DIAPH2: variants seen among roughly 807,000 people sequenced by gnomAD.
DIAPH2 encodes the protein protein diaphanous homolog 2.
DIAPH2 carries 35 observed loss-of-function variants against 92.7 expected under a neutral mutation model. That is an observed-to-expected ratio of 0.38 (90% CI 0.29 to 0.50). The LOEUF (loss-of-function observed/expected upper bound fraction) is 0.50, where lower values mean the gene tolerates loss of function less well. DIAPH2 is among the 20% of genes least tolerant of loss of function. The pLI is 0.94. For synonymous variants in DIAPH2, 301 were observed against 280.4 expected (o/e 1.07, Z -0.73); for missense variants, 701 against 819.5 (o/e 0.86, Z 1.77).
intron 22 of DIAPH2, among the ~76,000 whole-genome samples, chrX:97,190,575 A>G (rs2067644176): frequency 8.9e-6 from 1 of 111,808 alleles, no homozygotes; most frequent in South Asian, 3.7e-4. Flanking sequence ...TCGGCCAGGC[A>G]TGGTGGCTCA....
chrX:96,709,026 A>G (rs936394823), intron 1 of DIAPH2, among the ~76,000 whole-genome samples: 24 of 112,281 alleles, frequency 2.1e-4, no homozygotes, highest in African/African-American at 7.4e-4. Context: ...AATGAAGGGA[A>G]TATTCCATAA....
At chrX:97,343,541 C>T (rs941790511) in intron 23 of DIAPH2, among the ~76,000 whole-genome samples, 5 of 110,863 alleles carry the variant, frequency 4.5e-5, no homozygotes, top group African/African-American at 9.8e-5. Context: ...TGGTGGCATG[C>T]GCCTGTAATC....
At chrX:97,510,379 G>A (rs1249708463) in intron 26 of DIAPH2, among the ~76,000 whole-genome samples, 57 of 111,387 alleles carry the variant, frequency 5.1e-4, no homozygotes, top group African/African-American at 1.8e-3. Context: ...TTGTAAATTT[G>A]TTTGAGTTCA....
intron 17 of DIAPH2, among the ~76,000 whole-genome samples, chrX:96,973,821 G>C (rs1048533136): frequency 9.3e-6 from 1 of 107,352 alleles, no homozygotes; most frequent in Admixed American, 1.0e-4. Flanking sequence ...TCAGCCTCCT[G>C]AGTAGCTGGG....
chrX:96,719,919 A>G (rs1454449903), intron 1 of DIAPH2, among the ~76,000 whole-genome samples: 2 of 111,910 alleles, frequency 1.8e-5, no homozygotes, highest in East Asian at 2.8e-4. Flanking sequence ...AATTAAAGTG[A>G]TCGGGATTTT....
At chrX:96,845,460 T>C (rs749089913) in intron 4 of DIAPH2, among the ~76,000 whole-genome samples, 23 of 112,248 alleles carry the variant, frequency 2.0e-4, no homozygotes, top group African/African-American at 7.1e-4. Context: ...TTTAAGTATT[T>C]AGAAAGTCTT....
intron 15 of DIAPH2, among the ~76,000 whole-genome samples, chrX:96,952,296 A>T (rs2065780583): frequency 1.8e-5 from 2 of 111,842 alleles, no homozygotes; most frequent in Admixed American, 1.9e-4. Context: ...ATTAACATTC[A>T]TCTATGTGAA....
chrX:97,458,793 G>C (rs1270420221), intron 26 of DIAPH2, among the ~76,000 whole-genome samples: 1 of 111,501 alleles, frequency 9.0e-6, no homozygotes, highest in Admixed American at 9.5e-5. Context: ...ATTACATGAA[G>C]GTACATTTCA....
chrX:97,149,103 C>CA (rs749681535), intron 22 of DIAPH2, among the ~76,000 whole-genome samples: 1 of 111,439 alleles, frequency 9.0e-6, no homozygotes, highest in African/African-American at 3.3e-5. Flanking sequence ...CTATTAGTTT[C>CA]ATTGAAAAAT....
intron 17 of DIAPH2, among the ~76,000 whole-genome samples, chrX:96,982,819 A>G (rs1053435371): frequency 1.8e-5 from 2 of 112,414 alleles, no homozygotes; most frequent in African/African-American, 6.5e-5. Context: ...TCTTTGTAAT[A>G]TAGTGTATAG....
At chrX:97,125,471 CAAAAAAAAAAAAAAA>C (rs1159049051) in intron 21 of DIAPH2, among the ~76,000 whole-genome samples, 1 of 19,206 alleles carries the variant, frequency 5.2e-5, no homozygotes, top group Admixed American at 4.6e-4. Flanking sequence ...GACTCCGTCT[CAAAAAAAAAAAAAAA>C]AAAAAAAAAA....
intron 16 of DIAPH2, among the ~76,000 whole-genome samples, chrX:96,962,645 G>T (rs1267462918): frequency 9.5e-6 from 1 of 105,594 alleles, no homozygotes; most frequent in Non-Finnish European, 1.9e-5. Context: ...GCCTATGTGT[G>T]TCTTGCAGGT....
chrX:96,917,795 C>CA (rs1233029619), intron 8 of DIAPH2, among the ~76,000 whole-genome samples: 1 of 109,708 alleles, frequency 9.1e-6, no homozygotes, highest in African/African-American at 3.3e-5. Flanking sequence ...TTTCCATTGT[C>CA]AAAAAATGTT....
intron 4 of DIAPH2, among the ~76,000 whole-genome samples, chrX:96,817,913 T>G (rs945614527): frequency 9.2e-6 from 1 of 108,702 alleles, no homozygotes; most frequent in African/African-American, 3.4e-5. Context: ...TATTCCCCTC[T>G]GAAAATTAGT....
intron 3 of DIAPH2, among the ~76,000 whole-genome samples, chrX:96,751,925 T>C (rs2064196415): frequency 9.1e-6 from 1 of 109,310 alleles, no homozygotes; most frequent in African/African-American, 3.3e-5. Context: ...AGTGCTGGTA[T>C]TACAGGCGTG....
chrX:97,382,900 T>G (rs1394465089), intron 24 of DIAPH2, among the ~76,000 whole-genome samples: 4 of 112,407 alleles, frequency 3.6e-5, no homozygotes, highest in Admixed American at 2.8e-4. Context: ...TCTTTTTCTT[T>G]AGGGTTTCTG....
chrX:97,449,013 C>T (rs1419680109), intron 26 of DIAPH2, among the ~76,000 whole-genome samples: 3 of 112,122 alleles, frequency 2.7e-5, no homozygotes, highest in Non-Finnish European at 3.8e-5. Context: ...GTTATTAGTC[C>T]TTTGACAGTG....
chrX:96,918,363 A>C (rs1223533796), intron 8 of DIAPH2, 146 bp from the exon 9 acceptor site: 13 of 401,746 alleles, frequency 3.2e-5, no homozygotes, highest in Non-Finnish European at 5.6e-5. Flanking sequence ...TTCCATCAAA[A>C]AAGCAAATGA....
intron 22 of DIAPH2, among the ~76,000 whole-genome samples, chrX:97,142,195 T>C (rs1174398984): frequency 9.0e-6 from 1 of 111,558 alleles, no homozygotes; most frequent in Non-Finnish European, 1.9e-5. Flanking sequence ...TATATATACA[T>C]ACACACAAAT....
Sources: gnomAD v4.1 joint callset for allele counts (sites outside exome capture counted in the v4.1 genomes callset) on GRCh38, gnomAD v4.1.1 for gene constraint, MANE v1.5 for transcripts, NCBI Gene and HGNC (gene_info 2026-07-23, HGNC 2026-07-21) for gene names.